SH3GL3: variants seen among roughly 807,000 people sequenced by gnomAD.
SH3GL3 encodes endophilin-A3.
SH3GL3 carries 33 observed loss-of-function variants against 47.7 expected under a neutral mutation model. That is an observed-to-expected ratio of 0.69 (90% CI 0.52 to 0.92). The LOEUF is 0.92. SH3GL3 is among the 40% of genes least tolerant of loss of function. The pLI is 0.00. For missense variants in SH3GL3, 363 were observed against 417.8 expected, an observed-to-expected ratio of 0.87 and a Z score of 1.14; for synonymous variants, 155 against 148.8, an observed-to-expected ratio of 1.04 and a Z score of -0.30.
chr15:83,487,207 T>G lies in SH3GL3; in HGVS notation c.45+39629T>G, dbSNP rs998623603. Among the ~76,000 whole-genome samples, 11 of 126,594 alleles carry G rather than the reference T, an allele frequency of 8.7e-5. 1 individual carries two copies. The highest frequency in any genetic ancestry group is 7.3e-4 in the Admixed American group (8 of 10,938). The allele number at this position is 126,594 out of a possible 152,430, so 83.1% of individuals were successfully genotyped here. A position where few individuals can be genotyped will look rare whatever the true frequency, so the allele number is the denominator to read the frequency against. ...GAATTTTTAACCGGTTTACCTGTTT[T>G]TTTTTTTTTTTTATCTTTCTTGTTC... is the stretch of plus-strand genomic sequence containing the variant. On this transcript the variant is annotated intron_variant, in intron 1 of 8. Transcript: ENST00000427482.
At chr15:83,503,810 A>G (rs1252473421) in intron 1 of SH3GL3, among the ~76,000 whole-genome samples, 2 of 152,224 alleles carry the variant, frequency 1.3e-5, no homozygotes, top group Non-Finnish European at 2.9e-5. Context: ...TGGATATTTT[A>G]AGGACTTTTG....
At chr15:83,467,907 A>G (rs1356172697) in intron 1 of SH3GL3, among the ~76,000 whole-genome samples, 4 of 152,124 alleles carry the variant, frequency 2.6e-5, no homozygotes, top group Non-Finnish European at 4.4e-5. Flanking sequence ...GGCTCACTGC[A>G]AGCTCTGCCT....
intron 1 of SH3GL3, among the ~76,000 whole-genome samples, chr15:83,466,847 C>G (rs75441766): frequency 0.018 from 2,767 of 152,296 alleles, 36 homozygotes; most frequent in Non-Finnish European, 0.03. Context: ...TTAAGTATCT[C>G]CTCTTATGGA....
chr15:83,579,284 T>A (rs1047033252), intron 6 of SH3GL3, among the ~76,000 whole-genome samples: 1 of 152,194 alleles, frequency 6.6e-6, no homozygotes, highest in Admixed American at 6.5e-5. Flanking sequence ...CAGTGTTTCC[T>A]CCAAGGCTTC....
chr15:83,493,310 G>A (rs897204471), intron 1 of SH3GL3, among the ~76,000 whole-genome samples: 3 of 152,098 alleles, frequency 2.0e-5, no homozygotes, highest in Non-Finnish European at 2.9e-5. Context: ...GTTGAAGCTG[G>A]GTGATGGGGA....
intron 1 of SH3GL3, among the ~76,000 whole-genome samples, chr15:83,486,446 C>T (rs2041599934): frequency 6.6e-6 from 1 of 152,102 alleles, no homozygotes; most frequent in South Asian, 2.1e-4. Flanking sequence ...TCCTCTGCCT[C>T]TGTGGATTTA....
At chr15:83,471,094 C>A (rs1482289709) in intron 1 of SH3GL3, among the ~76,000 whole-genome samples, 2 of 152,066 alleles carry the variant, frequency 1.3e-5, no homozygotes, top group Non-Finnish European at 2.9e-5. Context: ...GTACTTTTTT[C>A]TTTTCTGATG....
At position 83,618,112 on chromosome 15, in the gene SH3GL3, G is replaced by A; in HGVS notation, c.869G>A (p.Cys290Tyr). The A allele has an allele frequency of 6.2e-7, 1 of 1,613,806 alleles. No individual in the cohort carries two copies. The highest frequency in any genetic ancestry group is 8.5e-7 in the Non-Finnish European group (1 of 1,179,648). Reference protein sequence around the residue: ...GSNIPMDQPCCRGLYDFEPEN... With the variant: ...GSNIPMDQPCYRGLYDFEPEN... ...AACATTCCCATGGACCAGCCCTGCTGTCGTGGTCTCTATGACTTTGAGCCA... is the reference window on the plus strand; with the variant it reads ...AACATTCCCATGGACCAGCCCTGCTATCGTGGTCTCTATGACTTTGAGCCA... The change falls in exon 9 of 9, where the codon TGT (cysteine) becomes TAT (tyrosine). Residue 290 changes from cysteine (C) to tyrosine (Y), a missense_variant. By Grantham distance (194) the Cys-to-Tyr change is radical. Coordinates refer to ENST00000427482, the MANE Select transcript of SH3GL3 (RefSeq NM_003027.5).
chr15:83,533,166 C>T (rs1385959135), intron 1 of SH3GL3, among the ~76,000 whole-genome samples: 3 of 152,136 alleles, frequency 2.0e-5, no homozygotes, highest in Non-Finnish European at 2.9e-5. Context: ...TCTATGACAC[C>T]TTAAGAGGCA....
At chr15:83,503,417 C>A (rs28541958) in intron 1 of SH3GL3, among the ~76,000 whole-genome samples, 2,408 of 152,164 alleles carry the variant, frequency 0.016, 63 homozygotes, top group African/African-American at 0.054. Flanking sequence ...GGAAAAACTA[C>A]AATTTATTTA....
At chr15:83,485,404 T>C (rs1185501271) in intron 1 of SH3GL3, among the ~76,000 whole-genome samples, 1 of 152,154 alleles carries the variant, frequency 6.6e-6, no homozygotes, top group Admixed American at 6.5e-5. Flanking sequence ...TTTAGGTAAT[T>C]TTTTGCTCCA....
rs566435171 is a variant in SH3GL3 at position 83,487,192 on chromosome 15, C to A, written c.45+39614C>A. 2.3e-3 allele frequency among the ~76,000 whole-genome samples: 325 copies of A among 138,524 alleles called. 2 individuals carry two copies. The highest frequency in any genetic ancestry group is 8.8e-3 in the African/African-American group (309 of 35,052). 90.9% of individuals were successfully genotyped at this position (138,524 alleles called of 152,430 possible). A position where few individuals can be genotyped will look rare whatever the true frequency, so the allele number is the denominator to read the frequency against. ...TGTTTTAATCTTGAAGAATTTTTAA[C>A]CGGTTTACCTGTTTTTTTTTTTTTT... is the stretch of plus-strand genomic sequence containing the variant. On this transcript the variant is annotated intron_variant, in intron 1 of 8. Coordinates refer to ENST00000427482, the MANE Select transcript of SH3GL3 (RefSeq NM_003027.5).
intron 1 of SH3GL3, among the ~76,000 whole-genome samples, chr15:83,473,747 C>T (rs2040955608): frequency 6.6e-6 from 1 of 151,752 alleles, no homozygotes; most frequent in Non-Finnish European, 1.5e-5. Context: ...CGGGGTTTCA[C>T]CGTGTTAGCC....
rs1441548556 is a variant in SH3GL3, at chr15:83,452,486, G to A, written c.45+4908G>A. Among the ~76,000 whole-genome samples, 25 of 7,238 alleles carry A rather than the reference G, an allele frequency of 3.5e-3. No individual in the cohort carries two copies. In the East Asian group the frequency reaches 0.055, roughly 16 times the overall value. 4.7% of individuals were successfully genotyped at this position (7,238 alleles called of 152,430 possible). A position where few individuals can be genotyped will look rare whatever the true frequency, so the allele number is the denominator to read the frequency against. On this transcript the variant is annotated intron_variant, in intron 1 of 8. Coordinates refer to ENST00000427482, the MANE Select transcript of SH3GL3 (RefSeq NM_003027.5). ...TTTGTGTCCTCTTTTATTTCCTTGA[G>A]CAGTGGTTTGTAGTTCTCCTTGAAG...
rs529577157 is a variant in SH3GL3, at chr15:83,602,862, C to T, written c.838+14091C>T. 1.8e-4 allele frequency among the ~76,000 whole-genome samples: 28 copies of T among 152,250 alleles called. 1 individual carries two copies. The South Asian group carries it at 5.4e-3, about 29-fold the overall frequency. ...TTTGCTCTCTGAGAAATGTGTCTTC[C>T]AAGACCACATTGTAAGTGGGCTTTG... On this transcript the variant is annotated intron_variant, in intron 8 of 8. Coordinates refer to ENST00000427482, the MANE Select transcript of SH3GL3 (RefSeq NM_003027.5).
intron 1 of SH3GL3, among the ~76,000 whole-genome samples, chr15:83,550,158 T>C (rs2044590367): frequency 6.6e-6 from 1 of 152,218 alleles, no homozygotes; most frequent in African/African-American, 2.4e-5. Flanking sequence ...TGTGTTGCCA[T>C]GTTCTCCAAG....
At position 83,572,506 on chromosome 15, in the gene SH3GL3, A is replaced by C. The variant is rs574493200; in HGVS notation, c.332-59A>C. 998 of 1,414,610 alleles carry C rather than the reference A, an allele frequency of 7.1e-4. 10 individuals carry two copies. The highest frequency in any genetic ancestry group is 6.6e-3 in the South Asian group (517 of 78,378). 87.6% of individuals were successfully genotyped at this position (1,414,610 alleles called of 1,614,324 possible). On this transcript the variant is annotated intron_variant, in intron 4 of 8. Coordinates refer to ENST00000427482, the MANE Select transcript of SH3GL3 (RefSeq NM_003027.5). The stretch of plus-strand genomic sequence containing the variant: ...TTTGGTAAAGAATGAAATAAATAGC[A>C]CTGTTAACCTGGAGTAGTGTTCCCA...
At chr15:83,631,722 G>A in the SH3GL3 span, among the ~76,000 whole-genome samples, 8 of 152,200 alleles carry the variant, frequency 5.3e-5, no homozygotes, top group Non-Finnish European at 1.0e-4. Context: ...CCTGGGCCTA[G>A]CCCATGAAAC....
Position 83,448,441 on chromosome 15 carries a change from GA to G in SH3GL3, c.45+864del, listed in dbSNP as rs1325262620. On this transcript the variant is annotated intron_variant, in intron 1 of 8. Transcript: ENST00000427482. This position sits in a 1 kb window ranked among gnomAD's most constrained non-coding sequence, Gnocchi z 4.2. ...AAAACAGGAGGGGAGACATGAAATT[GA>G]TGTGTGTGTGTGTGTGTGTGTGTGT... Among the ~76,000 whole-genome samples the G allele has an allele frequency of 8.7e-5, 6 of 68,642 alleles. No individual in the cohort carries two copies. Among genetic ancestry groups the G allele is most frequent in the Admixed American group, 5.2e-4 (3 of 5,748 alleles). The allele number at this position is 68,642 out of a possible 152,430, so 45.0% of individuals were successfully genotyped here.
Sources: allele counts gnomAD v4.1 joint callset (sites outside exome capture counted in the v4.1 genomes callset), GRCh38; gene constraint gnomAD v4.1.1; non-coding constraint Gnocchi (gnomAD v3.1); transcripts MANE v1.5; gene names NCBI Gene and HGNC (gene_info 2026-07-23, HGNC 2026-07-21).